Variants in SDAD1 observed in about 807,000 individuals in gnomAD.
The protein encoded by SDAD1 is protein SDA1 homolog.
In SDAD1, 79 loss-of-function variants were observed where a neutral mutation model predicts 100.3. The observed-to-expected ratio is 0.79, with a 90% CI of 0.66 to 0.95. The LOEUF (loss-of-function observed/expected upper bound fraction) is 0.95. Among genes scored for constraint, SDAD1 ranks in the 40% least tolerant of loss-of-function variants. The probability of loss-of-function intolerance (pLI) is 0.00; values close to 1 mark genes in which losing one functional copy is unlikely to be tolerated. For synonymous variants in SDAD1, 267 were observed against 271.4 expected (o/e 0.98, Z 0.16); for missense variants, 790 against 810.9 (o/e 0.97, Z 0.31).
In SDAD1 at chr4:75,955,826, T is replaced by C. The variant is rs1728857225; in HGVS notation, c.2016+149A>G. The C allele has an allele frequency of 6.6e-6, 6 of 906,112 alleles. No homozygotes were observed. In the Admixed American group the frequency reaches 1.6e-4, roughly 24 times the overall value. The allele number at this position is 906,112 out of a possible 1,614,324, so 56.1% of individuals were successfully genotyped here. On this transcript the variant is annotated intron_variant, in intron 21 of 21. Coordinates refer to ENST00000356260, the MANE Select transcript of SDAD1 (RefSeq NM_018115.4). ...TGCTCTCCAGCAATGCTCCCATTAA[T>C]GGGAACTCTCCAACAATGCTCTCCA...
At position 75,971,477 on chromosome 4, in the gene SDAD1, T is replaced by C. The variant is rs1729864328; in HGVS notation, c.712-19A>G. 1 of 1,550,626 alleles carries C rather than the reference T, an allele frequency of 6.4e-7. No homozygotes were observed. The highest frequency in any genetic ancestry group is 8.9e-7 in the Non-Finnish European group (1 of 1,124,500). ...CATCATCCTAAAGAAGAAATTACTT[T>C]GTAAAATTGTAAACAAGGAAAATCT... is the stretch of plus-strand genomic sequence containing the variant. On this transcript the variant is annotated intron_variant, in intron 8 of 21. Coordinates refer to ENST00000356260, the MANE Select transcript of SDAD1 (RefSeq NM_018115.4).
chr4:75,962,670 T>C (rs1262566339), intron 14 of SDAD1, among the ~76,000 whole-genome samples: 1 of 152,268 alleles, frequency 6.6e-6, no homozygotes, highest in Non-Finnish European at 1.5e-5. Context: ...CATTTTTTAA[T>C]GTGCCTTTAG....
chr4:75,978,279 T>C lies in SDAD1; in HGVS notation c.295-523A>G, dbSNP rs925815922. On this transcript the variant is annotated intron_variant, in intron 3 of 21. Coordinates refer to ENST00000356260, the MANE Select transcript of SDAD1 (RefSeq NM_018115.4). ...TTGAGACGGGTCTCGCTATATTGCC[T>C]AGGCTAGTCTTGAACTCTTGAGCTC... Among the ~76,000 whole-genome samples, 10 of 140,854 alleles carry C rather than the reference T, an allele frequency of 7.1e-5. No homozygotes were observed. In the East Asian group the frequency reaches 1.4e-3, roughly 20 times the overall value. 92.4% of individuals were successfully genotyped at this position (140,854 alleles called of 152,430 possible).
At chr4:75,961,931 G>A (rs1185704103) in intron 14 of SDAD1, among the ~76,000 whole-genome samples, 3 of 152,078 alleles carry the variant, frequency 2.0e-5, no homozygotes, top group Non-Finnish European at 4.4e-5. Context: ...TAAGTTATAG[G>A]GTACATGTGC....
intron 4 of SDAD1, 140 bp from the exon 5 acceptor site, chr4:75,976,135 G>C: frequency 1.7e-6 from 1 of 576,548 alleles, no homozygotes. Context: ...CCCAAACCAA[G>C]CAAACAAACA....
intron 1 of SDAD1, among the ~76,000 whole-genome samples, chr4:75,984,148 T>C (rs1255647941): frequency 6.7e-6 from 1 of 149,452 alleles, no homozygotes; most frequent in East Asian, 2.0e-4. Flanking sequence ...TTGGTCTATG[T>C]ATCTGTTTTG....
Position 75,977,636 on chromosome 4 carries a change from T to C in SDAD1, c.405+10A>G, listed in dbSNP as rs1244469326. 1 of 1,543,466 alleles carries C rather than the reference T, an allele frequency of 6.5e-7. No homozygotes were observed. Among genetic ancestry groups the C allele is most frequent in the Non-Finnish European group, 8.9e-7 (1 of 1,117,818 alleles). ...GGAAGATGCAGGGAAATATTTGTTT[T>C]GCCCTTTACCTTTCGCAGAAGTTTA... On this transcript the variant is annotated intron_variant, in intron 4 of 21. Coordinates refer to ENST00000356260, the MANE Select transcript of SDAD1 (RefSeq NM_018115.4).
chr4:75,974,272 C>G (rs950754958), intron 6 of SDAD1, 139 bp from the exon 7 acceptor site: 1 of 695,990 alleles, frequency 1.4e-6, no homozygotes, highest in Non-Finnish European at 2.5e-6. Context: ...TAAAAAGATA[C>G]GAGTTGCTAA....
intron 11 of SDAD1, among the ~76,000 whole-genome samples, chr4:75,968,208 G>A (rs1005563653): frequency 1.3e-5 from 2 of 152,080 alleles, no homozygotes; most frequent in Admixed American, 1.3e-4. Flanking sequence ...TGAAATTGCT[G>A]CACAAATGTA....
intron 8 of SDAD1, among the ~76,000 whole-genome samples, chr4:75,972,198 A>G (rs1729905789): frequency 1.3e-5 from 2 of 152,018 alleles, no homozygotes; most frequent in South Asian, 4.1e-4. Flanking sequence ...TTGGCCTCCC[A>G]AAGTGCTGGG....
At chr4:75,972,865 C>T (rs958329917) in intron 8 of SDAD1, among the ~76,000 whole-genome samples, 4 of 151,772 alleles carry the variant, frequency 2.6e-5, no homozygotes, top group Admixed American at 2.6e-4. Context: ...ACCAAAAATA[C>T]AAAAAATTAG....
Position 75,973,301 on chromosome 4 carries a change from C to T in SDAD1, c.711+16G>A. On this transcript the variant is annotated intron_variant, in intron 8 of 21. Coordinates refer to ENST00000356260, the MANE Select transcript of SDAD1 (RefSeq NM_018115.4). The stretch of plus-strand genomic sequence containing the variant: ...AATAAAAGGTAAGATTCAGAAGCAG[C>T]TATGATTAAACTAACCTCAGATTCG... The T allele has an allele frequency of 6.3e-7, 1 of 1,596,004 alleles. No individual in the cohort carries two copies. The highest frequency in any genetic ancestry group is 8.6e-7 in the Non-Finnish European group (1 of 1,163,676).
intron 1 of SDAD1, among the ~76,000 whole-genome samples, chr4:75,987,487 C>T (rs1295155088): frequency 1.3e-5 from 2 of 152,040 alleles, no homozygotes; most frequent in Non-Finnish European, 1.5e-5. Context: ...CAATGACATC[C>T]ATGTCGCTAA....
chr4:75,950,681 G>T lies in SDAD1; in HGVS notation c.*69C>A. On this transcript the variant is annotated 3_prime_UTR_variant, in exon 22 of 22. Coordinates refer to ENST00000356260, the MANE Select transcript of SDAD1 (RefSeq NM_018115.4). ...CTTTTTAATGTAAACAAACATGCTTGATTTACCAATTTTCAGAGCAAGGAC... is the reference window on the plus strand; with the variant it reads ...CTTTTTAATGTAAACAAACATGCTTTATTTACCAATTTTCAGAGCAAGGAC... 2 of 1,147,056 alleles carry T rather than the reference G, an allele frequency of 1.7e-6. No homozygotes were observed. Among genetic ancestry groups the T allele is most frequent in the Non-Finnish European group, 2.6e-6 (2 of 779,842 alleles). 71.1% of individuals were successfully genotyped at this position (1,147,056 alleles called of 1,614,324 possible).
intron 8 of SDAD1, among the ~76,000 whole-genome samples, chr4:75,972,263 T>C (rs917046624): frequency 5.3e-5 from 8 of 152,132 alleles, no homozygotes; most frequent in African/African-American, 1.7e-4. Context: ...AAAACTGTTG[T>C]TGACAACCCG....
rs1194366306 is a variant in SDAD1, at chr4:75,957,411, T to C, written c.1770-2A>G. On this transcript the variant is annotated splice_acceptor_variant, in intron 19 of 21. Transcript: ENST00000356260. LOFTEE classifies it high-confidence loss of function. ...TCCCGAAGAGAAAGTAATTCACCCC[T>C]GGGGTGAGGGAAAAATAACACATGA... is the stretch of plus-strand genomic sequence containing the variant. The C allele has an allele frequency of 5.6e-6, 9 of 1,613,442 alleles. No homozygotes were observed. The highest frequency in any genetic ancestry group is 7.6e-6 in the Non-Finnish European group (9 of 1,179,498).
At chr4:75,967,726 G>A (rs753084044) in intron 11 of SDAD1, among the ~76,000 whole-genome samples, 22 of 152,070 alleles carry the variant, frequency 1.4e-4, no homozygotes, top group Non-Finnish European at 2.4e-4. Flanking sequence ...AGACAAGATC[G>A]GAATTCAAAT....
intron 21 of SDAD1, among the ~76,000 whole-genome samples, chr4:75,952,794 G>A (rs1304581670): frequency 2.6e-5 from 4 of 152,114 alleles, no homozygotes; most frequent in African/African-American, 4.8e-5. Context: ...CAGTGTTAAC[G>A]ACATGCTGAT....
rs1419368128 is a variant in SDAD1 at position 75,950,059 on chromosome 4, GC to G, written c.*690del. 2 of 141,782 alleles carry G rather than the reference GC, an allele frequency of 1.4e-5. No individual in the cohort carries two copies. The highest frequency in any genetic ancestry group is 1.5e-4 in the Admixed American group (2 of 13,508). 8.8% of individuals were successfully genotyped at this position (141,782 alleles called of 1,614,324 possible). On this transcript the variant is annotated 3_prime_UTR_variant, in exon 22 of 22. Coordinates refer to ENST00000356260, the MANE Select transcript of SDAD1 (RefSeq NM_018115.4). ...TCCAAAGGTACTATTTATACTTAAG[GC>G]AGTTTTAAAAGTGAGGTCTTAACCA... is the stretch of plus-strand genomic sequence containing the variant.
Sources: gnomAD v4.1 joint callset for allele counts (sites outside exome capture counted in the v4.1 genomes callset) on GRCh38, gnomAD v4.1.1 for gene constraint, MANE v1.5 for transcripts, NCBI Gene and HGNC (gene_info 2026-07-23, HGNC 2026-07-21) for gene names.